The following CTNNA3 variants were observed in gnomAD, a reference collection of about 807,000 sequenced individuals.
CTNNA3 encodes the protein catenin alpha 3.
Under a neutral mutation model 95.7 loss-of-function variants are expected in CTNNA3, and 76 were observed. The observed-to-expected ratio is 0.79, with a 90% CI of 0.66 to 0.96. The LOEUF is 0.96. Among genes scored for constraint, CTNNA3 ranks in the 40% least tolerant of loss-of-function variants. The pLI, the probability that CTNNA3 is intolerant of heterozygous loss-of-function variation, is 0.00. For missense variants in CTNNA3, 1,191 were observed against 1,089.8 expected, an observed-to-expected ratio of 1.09 and a Z score of -1.31; for synonymous variants, 431 against 374.4, an observed-to-expected ratio of 1.15 and a Z score of -1.74.
chr10:66,816,102 A>G (rs766273971), intron 7 of CTNNA3, among the ~76,000 whole-genome samples: 18 of 152,214 alleles, frequency 1.2e-4, no homozygotes, highest in Non-Finnish European at 2.4e-4. Context: ...GTGCTCTACT[A>G]TAATTAAGTT....
intron 15 of CTNNA3, among the ~76,000 whole-genome samples, chr10:66,035,675 G>A (rs1252435639): frequency 6.6e-6 from 1 of 151,900 alleles, no homozygotes; most frequent in Non-Finnish European, 1.5e-5. Flanking sequence ...ATAGATAAAG[G>A]ATTTTCTTTT....
At chr10:67,734,020 G>A (rs3125312) in intron 1 of CTNNA3, among the ~76,000 whole-genome samples, 68,117 of 151,940 alleles carry the variant, frequency 0.45, 19,046 homozygotes, top group African/African-American at 0.8. Context: ...TAACAACCAC[G>A]CTGGATTTTT....
intron 1 of CTNNA3, among the ~76,000 whole-genome samples, chr10:67,752,811 G>A (rs1005129477): frequency 9.2e-5 from 14 of 152,092 alleles, no homozygotes; most frequent in Non-Finnish European, 1.8e-4. Context: ...ACTGCTCAAC[G>A]AAATAAGAGA....
chr10:66,101,618 G>A (rs1264244146), intron 14 of CTNNA3, among the ~76,000 whole-genome samples: 2 of 152,114 alleles, frequency 1.3e-5, no homozygotes, highest in African/African-American at 2.4e-5. Flanking sequence ...AAACAAATAT[G>A]TAGATGCAAG....
chr10:66,725,856 T>C (rs942270377), intron 9 of CTNNA3, among the ~76,000 whole-genome samples: 1 of 152,140 alleles, frequency 6.6e-6, no homozygotes, highest in African/African-American at 2.4e-5. Context: ...CTCTCACTTT[T>C]AGCACAAGTG....
chr10:67,206,225 G>A (rs1325755618), intron 6 of CTNNA3, among the ~76,000 whole-genome samples: 1 of 152,164 alleles, frequency 6.6e-6, no homozygotes, highest in Non-Finnish European at 1.5e-5. Flanking sequence ...TTGAGGAATA[G>A]TTATCATTTA....
chr10:65,949,498 G>C (rs541139625), intron 17 of CTNNA3, among the ~76,000 whole-genome samples: 2 of 152,234 alleles, frequency 1.3e-5, no homozygotes, highest in East Asian at 3.9e-4. Context: ...CTCTTGAGTA[G>C]GTACCCACAA....
chr10:66,567,475 T>A (rs1433248815), intron 10 of CTNNA3, among the ~76,000 whole-genome samples: 2 of 151,906 alleles, frequency 1.3e-5, no homozygotes, highest in African/African-American at 2.4e-5. Context: ...GATAATTAGC[T>A]GGGCATGGTG....
At chr10:67,249,003 A>G (rs1227317667) in intron 5 of CTNNA3, among the ~76,000 whole-genome samples, 7 of 152,232 alleles carry the variant, frequency 4.6e-5, no homozygotes, top group Non-Finnish European at 1.5e-5. Flanking sequence ...AGAAGAAAAC[A>G]TAGGAGTAAA....
At chr10:66,833,982 C>A (rs952142002) in intron 7 of CTNNA3, among the ~76,000 whole-genome samples, 1 of 152,140 alleles carries the variant, frequency 6.6e-6, no homozygotes, top group Non-Finnish European at 1.5e-5. Flanking sequence ...AGTTGTCTTG[C>A]CAAAATGTTA....
At chr10:67,035,539 G>A (rs560089902) in intron 7 of CTNNA3, among the ~76,000 whole-genome samples, 1 of 152,104 alleles carries the variant, frequency 6.6e-6, no homozygotes, top group African/African-American at 2.4e-5. Context: ...ATGTGAATCA[G>A]TAAATTCTAA....
At chr10:66,914,874 C>T (rs961930227) in intron 7 of CTNNA3, among the ~76,000 whole-genome samples, 1 of 151,938 alleles carries the variant, frequency 6.6e-6, no homozygotes, top group African/African-American at 2.4e-5. Context: ...ATTGCTTGAC[C>T]CAGTGGTATC....
At chr10:67,190,378 G>A (rs1863065466) in intron 6 of CTNNA3, among the ~76,000 whole-genome samples, 1 of 151,944 alleles carries the variant, frequency 6.6e-6, no homozygotes, top group African/African-American at 2.4e-5. Context: ...ATGTGTATAT[G>A]AGAGCCTAGG....
At chr10:67,658,219 G>A (rs1273489651) in intron 1 of CTNNA3, among the ~76,000 whole-genome samples, 2 of 152,122 alleles carry the variant, frequency 1.3e-5, no homozygotes, top group African/African-American at 4.8e-5. Context: ...CTGAACATCA[G>A]TTTCCTAATC....
chr10:66,976,176 T>C (rs1850018669), intron 7 of CTNNA3, among the ~76,000 whole-genome samples: 1 of 152,162 alleles, frequency 6.6e-6, no homozygotes. Flanking sequence ...TTAAAAATAA[T>C]TTAAAGTAAC....
At chr10:67,042,268 T>G (rs1854441661) in intron 7 of CTNNA3, among the ~76,000 whole-genome samples, 1 of 152,090 alleles carries the variant, frequency 6.6e-6, no homozygotes, top group Non-Finnish European at 1.5e-5. Flanking sequence ...GGCATCTCTG[T>G]GATAGAGAAT....
At chr10:65,936,279 G>A (rs547108019) in intron 17 of CTNNA3, among the ~76,000 whole-genome samples, 1 of 152,148 alleles carries the variant, frequency 6.6e-6, no homozygotes, top group South Asian at 2.1e-4. Flanking sequence ...AGGTGCAAAA[G>A]AGTTCTATGA....
chr10:66,626,504 A>G (rs936498745), intron 9 of CTNNA3, among the ~76,000 whole-genome samples: 1 of 152,174 alleles, frequency 6.6e-6, no homozygotes, highest in African/African-American at 2.4e-5. Flanking sequence ...TTCCAGAGGC[A>G]GATAATTTAT....
chr10:65,919,085 CA>C lies in CTNNA3; in HGVS notation c.*1244del, dbSNP rs2077042062. On this transcript the variant is annotated 3_prime_UTR_variant, in exon 18 of 18. Transcript: ENST00000433211. ...CTCTATGAATGAGAAAAAATGAAAA[CA>C]AAACTTATGGCCTCCAAAGAGTTTC... 6.6e-6 allele frequency: 1 copy of C among 151,904 alleles called. No individual in the cohort carries two copies. Among genetic ancestry groups the C allele is most frequent in the Non-Finnish European group, 1.5e-5 (1 of 67,956 alleles). The allele number at this position is 151,904 out of a possible 1,614,324, so 9.4% of individuals were successfully genotyped here. A position where few individuals can be genotyped will look rare whatever the true frequency, so the allele number is the denominator to read the frequency against.
Sources: allele counts gnomAD v4.1 joint callset (sites outside exome capture counted in the v4.1 genomes callset), GRCh38; gene constraint gnomAD v4.1.1; transcripts MANE v1.5; gene names NCBI Gene and HGNC (gene_info 2026-07-23, HGNC 2026-07-21).